The following RBM19 variants were observed in gnomAD, a reference collection of about 807,000 sequenced individuals.
The protein encoded by RBM19 is probable RNA-binding protein 19.
Under a neutral mutation model 116.8 loss-of-function variants are expected in RBM19, and 94 were observed. The ratio of observed to expected loss-of-function variants is 0.80; its 90% CI spans 0.68 to 0.95. The LOEUF (loss-of-function observed/expected upper bound fraction) is 0.95. RBM19 is among the 40% of genes least tolerant of loss of function. RBM19 has a pLI of 0.00. For synonymous variants in RBM19, 475 were observed against 494.1 expected (o/e 0.96, Z 0.51); for missense variants, 1,161 against 1,220.7 (o/e 0.95, Z 0.73).
chr12:113,873,067 C>T (rs1173680797), intron 21 of RBM19, among the ~76,000 whole-genome samples: 35 of 99,592 alleles, frequency 3.5e-4, no homozygotes, highest in South Asian at 7.9e-4. Flanking sequence ...GGGGGGTCAG[C>T]CCCCCGCCCG....
intron 23 of RBM19, among the ~76,000 whole-genome samples, chr12:113,828,520 G>C (rs532750906): frequency 7.4e-4 from 113 of 152,254 alleles, no homozygotes; most frequent in African/African-American, 2.4e-3. Context: ...CAGGGGGCGG[G>C]GGCACAGGTG....
intron 8 of RBM19, 142 bp downstream of exon 8, chr12:113,952,370 A>G (rs962811313): frequency 8.4e-6 from 6 of 713,398 alleles, no homozygotes; most frequent in African/African-American, 1.8e-5. Flanking sequence ...TAACCTGCCC[A>G]GGCTGACCAC....
chr12:113,915,573 C>G (rs1006479277), intron 20 of RBM19, among the ~76,000 whole-genome samples: 1 of 152,170 alleles, frequency 6.6e-6, no homozygotes, highest in African/African-American at 2.4e-5. Context: ...GCAGTGCTAC[C>G]TGGCCTGTCT....
At chr12:113,931,706 C>T (rs537461173) in intron 16 of RBM19, among the ~76,000 whole-genome samples, 1 of 152,168 alleles carries the variant, frequency 6.6e-6, no homozygotes, top group East Asian at 1.9e-4. Context: ...TACCACAGGG[C>T]CTTTGCACCT....
chr12:113,949,896 C>T (rs1247392100), intron 9 of RBM19, among the ~76,000 whole-genome samples, 187 bp downstream of exon 9: 1 of 152,160 alleles, frequency 6.6e-6, no homozygotes, highest in East Asian at 1.9e-4. Flanking sequence ...TACTCTCTGT[C>T]AGCCCCGAAA....
chr12:113,844,832 T>C, intron 22 of RBM19, 44 bp from the exon 23 acceptor site: 1 of 1,553,072 alleles, frequency 6.4e-7, no homozygotes, highest in Admixed American at 1.8e-5. Flanking sequence ...GCTGGATCAG[T>C]GCGGCAGACA....
intron 1 of RBM19, among the ~76,000 whole-genome samples, chr12:113,962,816 A>C (rs1350310795): frequency 6.6e-6 from 1 of 152,210 alleles, no homozygotes; most frequent in Non-Finnish European, 1.5e-5. Flanking sequence ...AAGCCCCCCC[A>C]AAAGATGCCC....
At chr12:113,830,139 C>T (rs77555224) in intron 23 of RBM19, among the ~76,000 whole-genome samples, 9,308 of 152,232 alleles carry the variant, frequency 0.061, 583 homozygotes, top group East Asian at 0.34. Context: ...AAGCCTGCCC[C>T]GCAGAGGGGG....
intron 21 of RBM19, among the ~76,000 whole-genome samples, chr12:113,881,248 G>T (rs923835602): frequency 1.3e-5 from 2 of 151,748 alleles, no homozygotes; most frequent in East Asian, 3.9e-4. Context: ...TGATACGGCC[G>T]TTGTGGTAAT....
intron 23 of RBM19, among the ~76,000 whole-genome samples, chr12:113,826,263 G>C (rs558293651): frequency 3.2e-4 from 49 of 152,346 alleles, no homozygotes; most frequent in Non-Finnish European, 4.8e-4. Context: ...TGTGTGTCAT[G>C]TTTCCACTTT....
intron 23 of RBM19, among the ~76,000 whole-genome samples, chr12:113,828,929 C>A (rs1346713332): frequency 6.6e-6 from 1 of 152,154 alleles, no homozygotes; most frequent in Non-Finnish European, 1.5e-5. Context: ...GGGTACTCTT[C>A]AGGAGACTGG....
intron 23 of RBM19, among the ~76,000 whole-genome samples, chr12:113,830,987 G>A (rs535953761): frequency 2.4e-4 from 36 of 152,260 alleles, no homozygotes; most frequent in East Asian, 1.7e-3. Context: ...CCAGGGGGTC[G>A]GGGGAGACTA....
chr12:113,959,426 C>G, intron 4 of RBM19, 22 bp from the exon 5 acceptor site: 1 of 1,590,666 alleles, frequency 6.3e-7, no homozygotes, highest in Non-Finnish European at 8.6e-7. Context: ...AGAACCCGGG[C>G]GGCAGGGACA....
At chr12:113,894,787 G>C (rs1322106550) in intron 21 of RBM19, among the ~76,000 whole-genome samples, 1 of 152,212 alleles carries the variant, frequency 6.6e-6, no homozygotes, top group African/African-American at 2.4e-5. Flanking sequence ...TGCTATCTGA[G>C]AGCAGAGTCC....
intron 1 of RBM19, among the ~76,000 whole-genome samples, chr12:113,962,808 GC>G (rs886077465): frequency 6.6e-6 from 1 of 152,106 alleles, no homozygotes; most frequent in African/African-American, 2.4e-5. Context: ...TGTTAATAAA[GC>G]CCCCCCAAAA....
chr12:113,855,485 G>A (rs1312834769), intron 22 of RBM19, among the ~76,000 whole-genome samples: 1 of 152,218 alleles, frequency 6.6e-6, no homozygotes. Context: ...CAACACAGGG[G>A]GCGACTATTT....
rs1872118432 is a variant in RBM19 at position 113,957,946 on chromosome 12, C to T, written c.676G>A (p.Glu226Lys). 1.2e-6 allele frequency: 2 copies of T among 1,614,072 alleles called. No homozygotes were observed. Among genetic ancestry groups the T allele is most frequent in the Admixed American group, 1.7e-5 (1 of 60,000 alleles). The change falls in exon 6 of 24, where the codon GAA becomes AAA. Residue 226 changes from glutamate to lysine, a missense_variant. Physicochemically the swap from Glu to Lys is moderately conservative, Grantham distance 56. Coordinates refer to ENST00000261741, the MANE Select transcript of RBM19 (RefSeq NM_016196.4). ...VKAGSSSSSE[E>K]EESEDEAVHC... ...ACGGCTTCATCTTCACTTTCCTCTT[C>T]CTCCGAGGAAGAGGACGACCCAGCC...
In RBM19 at chr12:113,825,024, C is replaced by T. The variant is rs996527850; in HGVS notation, c.2786-1703G>A. Among the ~76,000 whole-genome samples the T allele has an allele frequency of 1.3e-5, 2 of 152,204 alleles. No homozygotes were observed. The highest frequency in any genetic ancestry group is 2.4e-5 in the African/African-American group (1 of 41,444). On this transcript the variant is annotated intron_variant, in intron 23 of 23. Coordinates refer to ENST00000261741, the MANE Select transcript of RBM19 (RefSeq NM_016196.4). The surrounding 1 kb of genome is among the most constrained non-coding windows in gnomAD (Gnocchi z 5.7). ...TCCCTCTCCCTCTACCTCTGAGCTC[C>T]AATGCCACCCCACCCCCTGGCACTT...
At chr12:113,877,141 G>T (rs761178593) in intron 21 of RBM19, among the ~76,000 whole-genome samples, 1 of 152,228 alleles carries the variant, frequency 6.6e-6, no homozygotes. Context: ...AGACAGGGAA[G>T]CTTCTCTAGG....
Sources: gnomAD v4.1 joint callset for allele counts (sites outside exome capture counted in the v4.1 genomes callset) on GRCh38, gnomAD v4.1.1 for gene constraint, Gnocchi (gnomAD v3.1) non-coding constraint, MANE v1.5 for transcripts, NCBI Gene and HGNC (gene_info 2026-07-23, HGNC 2026-07-21) for gene names.